The following ERMP1 variants were observed in gnomAD, a reference collection of about 807,000 sequenced individuals.
The protein encoded by ERMP1 is Felix-ina.
Under a neutral mutation model 92.0 loss-of-function variants are expected in ERMP1, and 86 were observed. That is an observed-to-expected ratio of 0.93 (90% CI 0.79 to 1.12). The LOEUF (loss-of-function observed/expected upper bound fraction) is 1.12, where lower values mean the gene tolerates loss of function less well. Among genes scored for constraint, ERMP1 ranks in the 50% most tolerant of loss-of-function variants. The probability of loss-of-function intolerance (pLI) is 0.00; values close to 1 mark genes in which losing one functional copy is unlikely to be tolerated. For synonymous variants in ERMP1, 530 were observed against 412.8 expected, an observed-to-expected ratio of 1.28 and a Z score of -3.44; for missense variants, 1,342 against 1,116.3, an observed-to-expected ratio of 1.20 and a Z score of -2.88.
At position 5,823,947 on chromosome 9, in the gene ERMP1, T is replaced by C. The variant is rs1166133707; in HGVS notation, c.823A>G (p.Ile275Val). ...CCTACACCTGCTGCCTCTAGGTTAA[T>C]GAATGCACGAATCAAGCTAGCCCAG... ...HPWASLIRAF[I>V]NLEAAGVGGK... The change falls in exon 4 of 15, where the codon ATT becomes GTT. Residue 275 changes from isoleucine to valine, a missense_variant. Physicochemically the swap from Ile to Val is conservative, Grantham distance 29 (BLOSUM62 3). Transcript: ENST00000339450. The C allele has an allele frequency of 5.6e-6, 9 of 1,614,068 alleles. No individual in the cohort carries two copies. Among genetic ancestry groups the C allele is most frequent in the East Asian group, 2.2e-5 (1 of 44,890 alleles).
chr9:5,861,301 T>C lies in ERMP1; in HGVS notation n.3056-1690A>G, dbSNP rs538982065. On this transcript the variant is annotated intron_variant and non_coding_transcript_variant, in intron 5 of 6. Coordinates refer to the ERMP1 transcript ENST00000690753. The stretch of plus-strand genomic sequence containing the variant: ...AAAGTATTATCCCAGGATGTCATCA[T>C]TGGCCTTAGCTGTGCTGAATTTGGG... 6.6e-5 allele frequency among the ~76,000 whole-genome samples: 10 copies of C among 151,928 alleles called. No homozygotes were observed. In the South Asian group the frequency reaches 1.0e-3, roughly 16 times the overall value.
chr9:5,844,633 C>T (rs929548171), intron 6 of ERMP1, among the ~76,000 whole-genome samples: 1 of 152,186 alleles, frequency 6.6e-6, no homozygotes, highest in Non-Finnish European at 1.5e-5. Context: ...CTGCCGTCAC[C>T]TTTGCGGAGA....
chr9:5,823,285 C>A (rs7046793), intron 4 of ERMP1, among the ~76,000 whole-genome samples: 143,531 of 151,556 alleles, frequency 0.95, 68,424 homozygotes, highest in East Asian at 1. Flanking sequence ...TCTAAAAAAA[C>A]AATAAAATAA....
intron 6 of ERMP1, among the ~76,000 whole-genome samples, chr9:5,842,277 T>C (rs904767106): frequency 6.6e-6 from 1 of 151,954 alleles, no homozygotes; most frequent in Non-Finnish European, 1.5e-5. Flanking sequence ...TTGGTGCATT[T>C]ACAAATCTTT....
Position 5,847,692 on chromosome 9 carries a change from G to A in ERMP1, n.3199+11776C>T, listed in dbSNP as rs375236321. Among the ~76,000 whole-genome samples, 9 of 152,094 alleles carry A rather than the reference G, an allele frequency of 5.9e-5. 1 individual carries two copies. The highest frequency in any genetic ancestry group is 3.4e-3 in the Middle Eastern group (1 of 294). ...GGGCGGATCATGAGGTCAAGAGATC[G>A]AGACCATCCTGGCTAACACGGTAAA... On this transcript the variant is annotated intron_variant and non_coding_transcript_variant, in intron 6 of 6. Transcript: ENST00000690753.
upstream of ERMP1, among the ~76,000 whole-genome samples, chr9:5,836,935 C>G (rs1055615147): frequency 6.6e-6 from 1 of 152,130 alleles, no homozygotes; most frequent in South Asian, 2.1e-4. Context: ...TTTAACCCCC[C>G]CTCAAATTCT....
chr9:5,791,639 T>C (rs960187187), intron 13 of ERMP1, among the ~76,000 whole-genome samples: 2 of 151,492 alleles, frequency 1.3e-5, no homozygotes, highest in East Asian at 1.9e-4. Flanking sequence ...ACAAACTCTT[T>C]ACAGCTTTTG....
rs1038114783 is a variant in ERMP1 at position 5,833,105 on chromosome 9, C to G, written c.-78G>C. The G allele has an allele frequency of 5.7e-5, 72 of 1,271,086 alleles. No individual in the cohort carries two copies. Among genetic ancestry groups the G allele is most frequent in the Non-Finnish European group, 7.3e-5 (71 of 975,182 alleles). 78.7% of individuals were successfully genotyped at this position (1,271,086 alleles called of 1,614,324 possible). Reference sequence around the variant, plus strand: ...CCGCCGCCGACGCCGCCGTCGCTGCCGCAGCGCCTCCTAGTGAGCGGACGG... The same window carrying G: ...CCGCCGCCGACGCCGCCGTCGCTGCGGCAGCGCCTCCTAGTGAGCGGACGG... On this transcript the variant is annotated 5_prime_UTR_variant, in exon 1 of 15. Transcript: ENST00000339450.
At chr9:5,809,265 C>G (rs2131234528) in intron 8 of ERMP1, among the ~76,000 whole-genome samples, 1 of 152,306 alleles carries the variant, frequency 6.6e-6, no homozygotes, top group South Asian at 2.1e-4. Flanking sequence ...TGTGATCCGC[C>G]CACCTCAGCC....
chr9:5,809,439 T>C (rs1829003956), intron 8 of ERMP1, among the ~76,000 whole-genome samples: 1 of 152,232 alleles, frequency 6.6e-6, no homozygotes, highest in Non-Finnish European at 1.5e-5. Context: ...CTGTTTTCCT[T>C]AGCAATGTGT....
At chr9:5,812,096 A>G (rs768814305) in intron 6 of ERMP1, 29 bp downstream of exon 6, 17 of 1,315,956 alleles carry the variant, frequency 1.3e-5, no homozygotes, top group Non-Finnish European at 1.6e-5. Flanking sequence ...ATCTTAGTGT[A>G]TATCAAAAGT....
rs201999553 is a variant in ERMP1 at position 5,812,927 on chromosome 9, G to A, written c.983C>T (p.Thr328Ile). The A allele has an allele frequency of 3.1e-6, 5 of 1,614,010 alleles. No individual in the cohort carries two copies. The highest frequency in any genetic ancestry group is 3.4e-6 in the Non-Finnish European group (4 of 1,179,916). ...AAAATCCCTGTAGATACGAAAGTCA[G>A]TATCTGAAGGAATGATTCCACTCTG... ...VFQSGIIPSDTDFRIYRDFGN... is the reference protein window; with the variant it reads ...VFQSGIIPSDIDFRIYRDFGN... The change falls in exon 5 of 15, where the codon ACT becomes ATT. Residue 328 changes from threonine to isoleucine, a missense_variant. Physicochemically the swap from Thr to Ile is moderately conservative, Grantham distance 89 (BLOSUM62 -1). Coordinates refer to ENST00000339450, the MANE Select transcript of ERMP1 (RefSeq NM_024896.3).
At chr9:5,861,170 G>GGTGTGTGT (rs35593711) in intron 5 of ERMP1, among the ~76,000 whole-genome samples, 1,807 of 101,960 alleles carry the variant, frequency 0.018, 24 homozygotes, top group Middle Eastern at 0.035. Context: ...TGGCTTAGGG[G>GGTGTGTGT]GTGTGTGTGT....
intron 8 of ERMP1, among the ~76,000 whole-genome samples, chr9:5,809,131 C>T (rs1161348423): frequency 2.0e-5 from 3 of 152,180 alleles, no homozygotes; most frequent in Admixed American, 1.3e-4. Flanking sequence ...ACGCCATTCT[C>T]CTGCCTCAGC....
intron 4 of ERMP1, among the ~76,000 whole-genome samples, chr9:5,816,724 A>G (rs997897546): frequency 6.6e-6 from 1 of 152,210 alleles, no homozygotes; most frequent in Non-Finnish European, 1.5e-5. Flanking sequence ...GCACCAACGG[A>G]ATGGATCAAT....
chr9:5,819,976 C>G (rs1829467662), intron 4 of ERMP1, among the ~76,000 whole-genome samples: 1 of 152,138 alleles, frequency 6.6e-6, no homozygotes, highest in Non-Finnish European at 1.5e-5. Flanking sequence ...CTCAATAAAG[C>G]TGTAACTTTA....
At chr9:5,832,618 T>C (rs987907517) in intron 1 of ERMP1, 72 bp downstream of exon 1, 24 of 1,218,544 alleles carry the variant, frequency 2.0e-5, no homozygotes, top group Non-Finnish European at 2.0e-5. Flanking sequence ...TGCACACAGG[T>C]GCGGTGCCCC....
chr9:5,834,028 C>G (rs1830048284), upstream of ERMP1, among the ~76,000 whole-genome samples: 1 of 152,204 alleles, frequency 6.6e-6, no homozygotes, highest in African/African-American at 2.4e-5. Flanking sequence ...TGGGAGAGCA[C>G]ACTGCCGGAT....
At chr9:5,842,082 A>C (rs1440895887) in intron 6 of ERMP1, among the ~76,000 whole-genome samples, 1 of 152,090 alleles carries the variant, frequency 6.6e-6, no homozygotes, top group African/African-American at 2.4e-5. Context: ...CCAAAGAGTG[A>C]GCAGCAGCAA....
Sources: allele counts gnomAD v4.1 joint callset (sites outside exome capture counted in the v4.1 genomes callset), GRCh38; gene constraint gnomAD v4.1.1; transcripts MANE v1.5; gene names NCBI Gene and HGNC (gene_info 2026-07-23, HGNC 2026-07-21).